The following CAP2 variants were observed in gnomAD, a reference collection of about 807,000 sequenced individuals.
CAP2 encodes the protein adenylyl cyclase-associated protein 2.
In CAP2, 24 loss-of-function variants were observed where a neutral mutation model predicts 57.7. The observed-to-expected ratio is 0.42, with a 90% CI of 0.30 to 0.58. The LOEUF is 0.58. CAP2 is among the 20% of genes least tolerant of loss of function. The pLI is 0.22. For missense variants in CAP2, 501 were observed against 590.3 expected (o/e 0.85, Z 1.57); for synonymous variants, 194 against 207.2 (o/e 0.94, Z 0.55).
chr6:17,550,877 C>A (rs1296247848), intron 11 of CAP2, among the ~76,000 whole-genome samples: 1 of 152,100 alleles, frequency 6.6e-6, no homozygotes. Flanking sequence ...TTTCAAAATA[C>A]CTAGACATTC....
At chr6:17,439,231 T>C (rs955181498) in intron 3 of CAP2, among the ~76,000 whole-genome samples, 3 of 147,776 alleles carry the variant, frequency 2.0e-5, no homozygotes, top group Non-Finnish European at 4.4e-5. Flanking sequence ...TCTTGGTGAA[T>C]GACGTTAAGG....
chr6:17,528,351 A>C (rs1171688147), intron 7 of CAP2, among the ~76,000 whole-genome samples: 3 of 152,232 alleles, frequency 2.0e-5, no homozygotes, highest in Non-Finnish European at 4.4e-5. Flanking sequence ...AAAGACACTA[A>C]GTTACTGGTT....
chr6:17,463,116 C>A, intron 4 of CAP2, 43 bp downstream of exon 4: 2 of 1,395,758 alleles, frequency 1.4e-6, no homozygotes, highest in Non-Finnish European at 2.0e-6. Context: ...AGGGTATGCG[C>A]AGTGTAAGAT....
chr6:17,498,501 A>T (rs1253120537), intron 4 of CAP2, among the ~76,000 whole-genome samples: 1 of 152,166 alleles, frequency 6.6e-6, no homozygotes, highest in Non-Finnish European at 1.5e-5. Flanking sequence ...GCAGTAGAAC[A>T]ATCTCATGTC....
At chr6:17,395,762 G>A (rs1012763129) in intron 1 of CAP2, among the ~76,000 whole-genome samples, 1 of 151,888 alleles carries the variant, frequency 6.6e-6, no homozygotes, top group East Asian at 1.9e-4. Flanking sequence ...AAAATAATAC[G>A]CTAAGTCTAG....
At chr6:17,448,016 G>C (rs1434429201) in intron 3 of CAP2, among the ~76,000 whole-genome samples, 2 of 152,184 alleles carry the variant, frequency 1.3e-5, no homozygotes, top group Non-Finnish European at 2.9e-5. Context: ...TGTAACAAAG[G>C]CCCTTCTATA....
intron 3 of CAP2, among the ~76,000 whole-genome samples, chr6:17,438,015 G>C (rs1314883632): frequency 6.6e-6 from 1 of 152,176 alleles, no homozygotes. Flanking sequence ...ATTAGCCTCT[G>C]TCTGTGGTGA....
At chr6:17,398,410 G>T (rs1010717102) in intron 1 of CAP2, among the ~76,000 whole-genome samples, 1 of 152,070 alleles carries the variant, frequency 6.6e-6, no homozygotes, top group Admixed American at 6.6e-5. Context: ...ATTCATTCAG[G>T]ATATTTCTCC....
chr6:17,510,468 G>T (rs940652854), intron 6 of CAP2, among the ~76,000 whole-genome samples: 7 of 152,152 alleles, frequency 4.6e-5, no homozygotes, highest in Admixed American at 3.3e-4. Context: ...TCTTCAGTGC[G>T]CCTCTTTTCC....
rs567296321 is a variant in CAP2, at chr6:17,524,508, A to C, written c.636+10554A>C. ...GACAGCAGCTTCTATGGCAGCAGCA[A>C]TGTGCAGCAGCAGCAGGGGTACCAT... On this transcript the variant is annotated intron_variant, in intron 7 of 12. Transcript: ENST00000229922. Among the ~76,000 whole-genome samples, 7 of 152,308 alleles carry C rather than the reference A, an allele frequency of 4.6e-5. No individual in the cohort carries two copies. In the East Asian group the frequency reaches 1.4e-3, roughly 29 times the overall value.
chr6:17,486,460 G>T (rs1290033823), intron 4 of CAP2, among the ~76,000 whole-genome samples: 1 of 151,996 alleles, frequency 6.6e-6, no homozygotes, highest in African/African-American at 2.4e-5. Flanking sequence ...AAAAAAATTA[G>T]CCCGGCATGG....
At chr6:17,476,233 G>A (rs1053826313) in intron 4 of CAP2, among the ~76,000 whole-genome samples, 29 of 152,272 alleles carry the variant, frequency 1.9e-4, no homozygotes, top group African/African-American at 3.9e-4. Flanking sequence ...CAGTGTTTAC[G>A]TTGATTATAA....
chr6:17,438,681 C>T lies in CAP2; in HGVS notation c.222+11991C>T, dbSNP rs540654796. On this transcript the variant is annotated intron_variant, in intron 3 of 12. Coordinates refer to ENST00000229922, the MANE Select transcript of CAP2 (RefSeq NM_006366.3). ...GTCTCAATCTCCTGACCTTGTGATC[C>T]GCCCACCTCGGCCTCCCAAAGTGCT... 7.5e-3 allele frequency among the ~76,000 whole-genome samples: 1,109 copies of T among 148,324 alleles called. 15 individuals carry two copies. Among genetic ancestry groups the T allele is most frequent in the Non-Finnish European group, 0.013 (851 of 67,464 alleles).
intron 7 of CAP2, among the ~76,000 whole-genome samples, chr6:17,529,651 A>AAATATATATAT (rs10656588): frequency 7.4e-6 from 1 of 134,540 alleles, no homozygotes; most frequent in African/African-American, 2.9e-5. Context: ...AAAAAAAAAA[A>AAATATATATAT]ATATATATAT....
intron 6 of CAP2, among the ~76,000 whole-genome samples, chr6:17,509,854 A>G (rs1214470178): frequency 6.6e-6 from 1 of 152,202 alleles, no homozygotes; most frequent in African/African-American, 2.4e-5. Context: ...AAAACATGGT[A>G]TATCCACACA....
rs1236511460 is a variant in CAP2 at position 17,539,425 on chromosome 6, G to A, written c.793G>A (p.Ala265Thr). 1 of 1,613,976 alleles carries A rather than the reference G, an allele frequency of 6.2e-7. No homozygotes were observed. Among genetic ancestry groups the A allele is most frequent in the Non-Finnish European group, 8.5e-7 (1 of 1,180,010 alleles). Residue 265 changes from alanine (A) to threonine (T), a missense_variant, in exon 8 of 13, where the codon GCC (alanine) becomes ACC (threonine). Ala to Thr is a moderately conservative substitution (Grantham distance 58). Coordinates refer to ENST00000229922, the MANE Select transcript of CAP2 (RefSeq NM_006366.3). Reference sequence around the variant, plus strand: ...TTCTCCTTCACGCTCAGCTTTATTTGCCCAACTTAACCAGGGAGAAGCAAT... The same window carrying A: ...TTCTCCTTCACGCTCAGCTTTATTTACCCAACTTAACCAGGGAGAAGCAAT... ...ESSPSRSALFAQLNQGEAITK... is the reference protein window; with the variant it reads ...ESSPSRSALFTQLNQGEAITK...
intron 3 of CAP2, among the ~76,000 whole-genome samples, chr6:17,433,194 C>T (rs1323012383): frequency 6.6e-6 from 1 of 152,172 alleles, no homozygotes; most frequent in Non-Finnish European, 1.5e-5. Flanking sequence ...TAAAAAGCAT[C>T]TTCAGCCATG....
rs745555651 is a variant in CAP2 at position 17,436,086 on chromosome 6, TTTCCTTCC to T, written c.222+9425_222+9432del. Among the ~76,000 whole-genome samples the T allele has an allele frequency of 5.4e-3, 728 of 133,990 alleles. 2 individuals carry two copies. The highest frequency in any genetic ancestry group is 8.5e-3 in the Non-Finnish European group (547 of 64,036). 87.9% of individuals were successfully genotyped at this position (133,990 alleles called of 152,430 possible). On this transcript the variant is annotated intron_variant, in intron 3 of 12. Coordinates refer to ENST00000229922, the MANE Select transcript of CAP2 (RefSeq NM_006366.3). ...TAAGGAATCTTTCTTTCTTTCTTTCTTTCCTTCCTTCCTTCCTTCCTTCCTTCCTTCCT... is the reference window on the plus strand; with the variant it reads ...TAAGGAATCTTTCTTTCTTTCTTTCTTTCCTTCCTTCCTTCCTTCCTTCCT...
At chr6:17,500,626 T>A (rs942542906) in intron 4 of CAP2, among the ~76,000 whole-genome samples, 1 of 151,970 alleles carries the variant, frequency 6.6e-6, no homozygotes, top group Non-Finnish European at 1.5e-5. Flanking sequence ...GGTTTAATAT[T>A]TTGTGACACA....
Sources: allele counts gnomAD v4.1 joint callset (sites outside exome capture counted in the v4.1 genomes callset), GRCh38; gene constraint gnomAD v4.1.1; transcripts MANE v1.5; gene names NCBI Gene and HGNC (gene_info 2026-07-23, HGNC 2026-07-21).